Variants in DRD2 observed in about 807,000 individuals in gnomAD.
The protein encoded by DRD2 is dopamine receptor D2.
A neutral mutation model predicts 38.0 loss-of-function variants in DRD2; 8 were observed. That is an observed-to-expected ratio of 0.21 (90% CI 0.12 to 0.38). The LOEUF is 0.38. DRD2 is among the 10% of genes least tolerant of loss of function. DRD2 has a pLI of 1.00. For synonymous variants in DRD2, 230 were observed against 238.6 expected (o/e 0.96, Z 0.33); for missense variants, 403 against 607.7 (o/e 0.66, Z 3.54).
At chr11:113,429,596 C>T (rs185596494) in intron 1 of DRD2, among the ~76,000 whole-genome samples, 7 of 152,268 alleles carry the variant, frequency 4.6e-5, no homozygotes, top group Admixed American at 3.9e-4. Flanking sequence ...TCTATCGTGT[C>T]TTCAGCACCT....
chr11:113,412,938 C>A, intron 6 of DRD2, 55 bp from the exon 7 acceptor site: 15 of 1,548,130 alleles, frequency 9.7e-6, no homozygotes, highest in Non-Finnish European at 1.3e-5. Context: ...CAGGCATCAG[C>A]CACCCATCTC....
At chr11:113,450,290 A>T (rs377212663) in intron 1 of DRD2, among the ~76,000 whole-genome samples, 1 of 152,212 alleles carries the variant, frequency 6.6e-6, no homozygotes, top group African/African-American at 2.4e-5. Context: ...ATGCCAAACA[A>T]GCAACCAGAG....
chr11:113,434,941 G>C (rs1327521206), intron 1 of DRD2, among the ~76,000 whole-genome samples: 3 of 152,192 alleles, frequency 2.0e-5, no homozygotes, highest in Non-Finnish European at 2.9e-5. Flanking sequence ...AAGGGCCCCT[G>C]TGTGAGACTT....
chr11:113,474,493 C>G (rs1951459679), intron 1 of DRD2: 1 of 152,228 alleles, frequency 6.6e-6, no homozygotes, highest in Non-Finnish European at 1.5e-5. Context: ...CGAAGGAGAA[C>G]GAAAGTTCAG....
intron 1 of DRD2, among the ~76,000 whole-genome samples, chr11:113,446,895 G>A (rs890384900): frequency 6.6e-6 from 1 of 152,186 alleles, no homozygotes; most frequent in African/African-American, 2.4e-5. Context: ...CAAAGTGGGA[G>A]GGGTCTTCAA....
chr11:113,455,856 G>C (rs1222101419), intron 1 of DRD2, among the ~76,000 whole-genome samples: 2 of 152,120 alleles, frequency 1.3e-5, no homozygotes, highest in African/African-American at 4.8e-5. Flanking sequence ...AATTAACATA[G>C]CCATTTTGGA....
chr11:113,457,493 A>G (rs937629093), intron 1 of DRD2, among the ~76,000 whole-genome samples: 1 of 152,052 alleles, frequency 6.6e-6, no homozygotes, highest in Admixed American at 6.6e-5. Flanking sequence ...AAAGAGTGCA[A>G]TAGAACCGGC....
chr11:113,444,397 A>G (rs1951122585), intron 1 of DRD2, among the ~76,000 whole-genome samples: 1 of 152,232 alleles, frequency 6.6e-6, no homozygotes, highest in Admixed American at 6.5e-5. Flanking sequence ...ATGAATGTAC[A>G]TGAATGCCCT....
chr11:113,455,350 A>G (rs138652541), intron 1 of DRD2, among the ~76,000 whole-genome samples: 70 of 152,320 alleles, frequency 4.6e-4, no homozygotes, highest in Non-Finnish European at 8.8e-4. Context: ...TGACAGAGCA[A>G]GACTCCATCT....
intron 5 of DRD2, 145 bp from the exon 6 acceptor site, chr11:113,414,606 G>A (rs1565660128): frequency 5.0e-6 from 4 of 804,054 alleles, no homozygotes; most frequent in Non-Finnish European, 8.5e-6. Flanking sequence ...GGCAGTTGGG[G>A]CAAGGGGGAA....
chr11:113,415,597 T>A lies in DRD2; in HGVS notation c.547A>T (p.Ile183Phe), dbSNP rs938621123. Residue 183 changes from isoleucine (I) to phenylalanine (F), a missense_variant, in exon 5 of 8, where the codon ATC becomes TTC. Around this residue, in one of 4 missense-constraint regions of DRD2, gnomAD observed 162 missense variants for 254.5 expected, o/e 0.64. Coordinates refer to ENST00000362072, the MANE Select transcript of DRD2 (RefSeq NM_000795.4). ...ACCACGAAGGCCGGGTTGGCAATGA[T>A]GCACTCGTTCTGGTCTGGGGGAGGG... ...GLNNADQNEC[I>F]IANPAFVVYS... 2 of 1,613,566 alleles carry A rather than the reference T, an allele frequency of 1.2e-6. No individual in the cohort carries two copies. The highest frequency in any genetic ancestry group is 2.7e-5 in the African/African-American group (2 of 75,022).
chr11:113,455,879 G>A (rs976730598), intron 1 of DRD2, among the ~76,000 whole-genome samples: 1 of 152,160 alleles, frequency 6.6e-6, no homozygotes, highest in African/African-American at 2.4e-5. Context: ...ATAATATGCA[G>A]GTTCCTCAAA....
chr11:113,414,067 G>T, intron 6 of DRD2: 1 of 407,494 alleles, frequency 2.5e-6, no homozygotes, highest in Non-Finnish European at 4.7e-6. Flanking sequence ...CGGGGTCGTG[G>T]TGAGGATTTG....
chr11:113,410,586 C>G lies in DRD2; in HGVS notation c.*141G>C. The G allele has an allele frequency of 9.4e-7, 1 of 1,059,172 alleles. No individual in the cohort carries two copies. The highest frequency in any genetic ancestry group is 1.3e-5 in the South Asian group (1 of 77,064). The allele number at this position is 1,059,172 out of a possible 1,614,324, so 65.6% of individuals were successfully genotyped here. On this transcript the variant is annotated 3_prime_UTR_variant, in exon 8 of 8. Coordinates refer to ENST00000362072, the MANE Select transcript of DRD2 (RefSeq NM_000795.4). ...TGTGCGGGCAGTGAGGAGCATGGAG[C>G]CAAGCGAACACTGCAGGGCCTGCCG...
chr11:113,420,126 C>T (rs1950871922), intron 2 of DRD2, among the ~76,000 whole-genome samples: 1 of 152,220 alleles, frequency 6.6e-6, no homozygotes, highest in Non-Finnish European at 1.5e-5. Flanking sequence ...TTTGAAGCCC[C>T]TCCTGGGACC....
chr11:113,453,277 A>T (rs1406510143), intron 1 of DRD2, among the ~76,000 whole-genome samples: 3 of 152,174 alleles, frequency 2.0e-5, no homozygotes, highest in Non-Finnish European at 2.9e-5. Context: ...CATTTTATTC[A>T]TCTAGGAAGT....
In DRD2 at chr11:113,410,412, G is replaced by A. The variant is rs1950756987; in HGVS notation, c.*315C>T. ...AGCAACCCTAGAGCCCCAGAGGAAG[G>A]TCAAGGAAGGCGGCTGCATCTTTGG... On this transcript the variant is annotated 3_prime_UTR_variant, in exon 8 of 8. Transcript: ENST00000362072. The A allele has an allele frequency of 8.0e-6, 4 of 500,372 alleles. No individual in the cohort carries two copies. Among genetic ancestry groups the A allele is most frequent in the Middle Eastern group, 5.7e-4 (1 of 1,766 alleles). 31.0% of individuals were successfully genotyped at this position (500,372 alleles called of 1,614,324 possible). A position where few individuals can be genotyped will look rare whatever the true frequency, so the allele number is the denominator to read the frequency against.
intron 1 of DRD2, among the ~76,000 whole-genome samples, chr11:113,452,481 C>T (rs61902786): frequency 0.28 from 34,211 of 121,400 alleles, 4,860 homozygotes; most frequent in Middle Eastern, 0.42. Context: ...CGCGCGCGCG[C>T]GCGCGCACAT....
chr11:113,456,236 T>C (rs1307358543), intron 1 of DRD2, among the ~76,000 whole-genome samples: 2 of 152,210 alleles, frequency 1.3e-5, no homozygotes, highest in Non-Finnish European at 2.9e-5. Flanking sequence ...ATCTACGAAT[T>C]TGAACTCATA....
Sources: allele counts gnomAD v4.1 joint callset (sites outside exome capture counted in the v4.1 genomes callset), GRCh38; gene constraint gnomAD v4.1.1; regional missense constraint gnomAD v4.1.1; transcripts MANE v1.5; gene names NCBI Gene and HGNC (gene_info 2026-07-23, HGNC 2026-07-21).